MAST2: variants seen among roughly 807,000 people sequenced by gnomAD.
The protein encoded by MAST2 is microtubule-associated serine/threonine-protein kinase 2.
Under a neutral mutation model 147.4 loss-of-function variants are expected in MAST2, and 70 were observed. The observed-to-expected ratio is 0.47, with a 90% CI of 0.39 to 0.58. MAST2 has a LOEUF of 0.58. MAST2 is among the 20% of genes least tolerant of loss of function. The pLI is 0.00. For missense variants in MAST2, 2,080 were observed against 2,302.3 expected, an observed-to-expected ratio of 0.90 and a Z score of 1.98; for synonymous variants, 869 against 896.8, an observed-to-expected ratio of 0.97 and a Z score of 0.55.
Position 46,023,174 on chromosome 1 carries a change from T to C in MAST2, c.1486-59T>C. On this transcript the variant is annotated intron_variant, in intron 13 of 28. Transcript: ENST00000361297. The surrounding 1 kb of genome is among the most constrained non-coding windows in gnomAD (Gnocchi z 4.9). ...GAGAAGATGCTAGAGCCACAGCTTC[T>C]GCAAGGATATGGGCTCTGAGAAGCA... The C allele has an allele frequency of 1.3e-6, 2 of 1,483,580 alleles. No homozygotes were observed. The highest frequency in any genetic ancestry group is 1.9e-6 in the Non-Finnish European group (2 of 1,061,152). 91.9% of individuals were successfully genotyped at this position (1,483,580 alleles called of 1,614,324 possible).
intron 4 of MAST2, among the ~76,000 whole-genome samples, chr1:45,936,737 T>TACCTCAACCCCAACCCAGCC (rs1553237901): frequency 6.6e-6 from 1 of 152,106 alleles, no homozygotes; most frequent in Non-Finnish European, 1.5e-5. Flanking sequence ...CCAGGCCAGG[T>TACCTCAACCCCAACCCAGCC]ACCTCAACCC....
chr1:46,029,369 T>G, intron 18 of MAST2, 97 bp from the exon 19 acceptor site: 1 of 1,002,884 alleles, frequency 1.0e-6, no homozygotes, highest in Non-Finnish European at 1.5e-6. Context: ...GCTGGGTCCT[T>G]TTTGCCTCCT....
chr1:45,949,894 A>G (rs1377765708), intron 4 of MAST2, among the ~76,000 whole-genome samples: 1 of 152,208 alleles, frequency 6.6e-6, no homozygotes, highest in Non-Finnish European at 1.5e-5. Flanking sequence ...AGCCATAAAG[A>G]ACAAGATCAT....
intron 8 of MAST2, among the ~76,000 whole-genome samples, chr1:46,007,742 A>G (rs963199664): frequency 2.6e-5 from 4 of 152,236 alleles, no homozygotes; most frequent in Non-Finnish European, 5.9e-5. Context: ...AGGGAAGACA[A>G]TAAATTAAGG....
intron 4 of MAST2, among the ~76,000 whole-genome samples, chr1:45,943,284 A>ATATT (rs923622582): frequency 6.6e-5 from 10 of 152,150 alleles, no homozygotes; most frequent in Admixed American, 5.2e-4. Flanking sequence ...ACTAATTTGG[A>ATATT]TATTTATTTA....
At chr1:45,999,461 GC>G (rs1244707873) in intron 6 of MAST2, among the ~76,000 whole-genome samples, 1 of 152,172 alleles carries the variant, frequency 6.6e-6, no homozygotes, top group Non-Finnish European at 1.5e-5. Flanking sequence ...AAGACCTGTG[GC>G]TAGATCCCCA....
chr1:46,034,194 A>G lies in MAST2; in HGVS notation c.3796A>G (p.Thr1266Ala). The G allele has an allele frequency of 6.2e-7, 1 of 1,613,986 alleles. No individual in the cohort carries two copies. Among genetic ancestry groups the G allele is most frequent in the Non-Finnish European group, 8.5e-7 (1 of 1,179,960 alleles). Residue 1266 changes from threonine (T) to alanine (A), a missense_variant, in exon 28 of 29, where the codon ACA becomes GCA. This residue lies in a region of MAST2 where 1,278 missense variants were observed against 1,304.2 expected (regional missense o/e 0.98). Coordinates refer to ENST00000361297, the MANE Select transcript of MAST2 (RefSeq NM_015112.3). ...SSGESGPGSP[T>A]HSHSLSPRSP... ...AGGGGAGAGTGGGCCAGGCTCTCCCACACACAGCCACAGCCTTTCCCCCCG... is the reference window on the plus strand; with the variant it reads ...AGGGGAGAGTGGGCCAGGCTCTCCCGCACACAGCCACAGCCTTTCCCCCCG...
At chr1:45,983,504 T>C (rs920765850) in intron 5 of MAST2, among the ~76,000 whole-genome samples, 1 of 151,480 alleles carries the variant, frequency 6.6e-6, no homozygotes, top group Admixed American at 6.6e-5. Flanking sequence ...TTTTTTTTTT[T>C]GTCTGAGACA....
At chr1:46,024,195 G>A (rs1210921738) in intron 15 of MAST2, 1 of 553,656 alleles carries the variant, frequency 1.8e-6, no homozygotes, top group Non-Finnish European at 3.3e-6. Flanking sequence ...TCTGGGATAG[G>A]ATGTAGCAGG....
intron 4 of MAST2, among the ~76,000 whole-genome samples, chr1:45,884,881 A>AC (rs1258373131): frequency 6.6e-6 from 1 of 152,170 alleles, no homozygotes; most frequent in Non-Finnish European, 1.5e-5. Flanking sequence ...GGGATTGGCT[A>AC]CCTGATCTCT....
intron 1 of MAST2, among the ~76,000 whole-genome samples, chr1:45,822,961 G>A (rs150103924): frequency 3.9e-5 from 6 of 152,220 alleles, no homozygotes; most frequent in Non-Finnish European, 7.4e-5. Flanking sequence ...TTAGGTGCCT[G>A]GACACATCAA....
At chr1:45,958,789 A>G (rs1311691627) in intron 4 of MAST2, among the ~76,000 whole-genome samples, 1 of 152,220 alleles carries the variant, frequency 6.6e-6, no homozygotes, top group Non-Finnish European at 1.5e-5. Flanking sequence ...CTTTTCAGTA[A>G]TAGATGTTGC....
intron 3 of MAST2, among the ~76,000 whole-genome samples, chr1:45,848,133 A>T (rs1183416160): frequency 6.6e-5 from 10 of 152,244 alleles, no homozygotes; most frequent in Admixed American, 5.9e-4. Context: ...CAGCATGTGT[A>T]GACTGGTGGC....
intron 4 of MAST2, among the ~76,000 whole-genome samples, chr1:45,939,374 T>A (rs1309849441): frequency 6.6e-6 from 1 of 152,230 alleles, no homozygotes; most frequent in Non-Finnish European, 1.5e-5. Context: ...TCTATATGCC[T>A]ATCCTTGTGC....
At chr1:45,858,831 T>C (rs571113754) in intron 3 of MAST2, among the ~76,000 whole-genome samples, 2 of 152,186 alleles carry the variant, frequency 1.3e-5, no homozygotes, top group African/African-American at 2.4e-5. Context: ...TTTCTACATA[T>C]GGCTAGCCAG....
intron 4 of MAST2, among the ~76,000 whole-genome samples, chr1:45,903,613 C>T (rs764251976): frequency 6.6e-6 from 1 of 152,094 alleles, no homozygotes; most frequent in Non-Finnish European, 1.5e-5. Context: ...TTGAGAGTTC[C>T]TCTTGATGTT....
At chr1:45,969,966 T>C (rs1017753320) in intron 5 of MAST2, among the ~76,000 whole-genome samples, 3 of 152,138 alleles carry the variant, frequency 2.0e-5, no homozygotes, top group Non-Finnish European at 4.4e-5. Flanking sequence ...CTTCTCAGTA[T>C]TTCCCCCACA....
At chr1:46,025,919 GA>G in intron 16 of MAST2, 104 bp downstream of exon 16, 1 of 1,428,532 alleles carries the variant, frequency 7.0e-7, no homozygotes. Flanking sequence ...TGGCTACCGG[GA>G]AAACATGCTC....
intron 4 of MAST2, among the ~76,000 whole-genome samples, chr1:45,937,816 C>T (rs1570814265): frequency 7.0e-6 from 1 of 143,042 alleles, no homozygotes; most frequent in East Asian, 2.1e-4. Context: ...GTAAGCGATT[C>T]AATGGTTTTT....
Sources: allele counts gnomAD v4.1 joint callset (sites outside exome capture counted in the v4.1 genomes callset), GRCh38; gene constraint gnomAD v4.1.1; regional missense constraint gnomAD v4.1.1; non-coding constraint Gnocchi (gnomAD v3.1); transcripts MANE v1.5; gene names NCBI Gene and HGNC (gene_info 2026-07-23, HGNC 2026-07-21).